The following IMMP2L variants were observed in gnomAD, a reference collection of about 807,000 sequenced individuals.
The protein encoded by IMMP2L is inner mitochondrial membrane peptidase subunit 2.
A neutral mutation model predicts 19.3 loss-of-function variants in IMMP2L; 18 were observed. That is an observed-to-expected ratio of 0.93 (90% CI 0.64 to 1.38). IMMP2L has a LOEUF of 1.38. Among genes scored for constraint, IMMP2L ranks in the 40% most tolerant of loss-of-function variants. The probability of loss-of-function intolerance (pLI) is 0.00; values close to 1 mark genes in which losing one functional copy is unlikely to be tolerated. For synonymous variants in IMMP2L, 76 were observed against 73.0 expected, an observed-to-expected ratio of 1.04 and a Z score of -0.21; for missense variants, 233 against 218.2, an observed-to-expected ratio of 1.07 and a Z score of -0.43.
intron 4 of IMMP2L, among the ~76,000 whole-genome samples, chr7:110,929,988 A>C (rs558424704): frequency 6.6e-6 from 1 of 152,288 alleles, no homozygotes; most frequent in African/African-American, 2.4e-5. Flanking sequence ...CAAATTTATC[A>C]GAGTTTGGGA....
chr7:111,554,619 A>T (rs1458537882), intron 1 of IMMP2L, among the ~76,000 whole-genome samples: 1 of 150,802 alleles, frequency 6.6e-6, no homozygotes, highest in Non-Finnish European at 1.5e-5. Flanking sequence ...TTTTTATTTT[A>T]TTATTATTAT....
intron 3 of IMMP2L, among the ~76,000 whole-genome samples, chr7:111,371,253 T>C (rs773459982): frequency 3.3e-5 from 5 of 151,972 alleles, no homozygotes; most frequent in Non-Finnish European, 5.9e-5. Context: ...CATTCTCTCG[T>C]GGTGATGTCT....
chr7:110,835,522 G>C (rs1563010876), intron 5 of IMMP2L, among the ~76,000 whole-genome samples: 6 of 151,920 alleles, frequency 3.9e-5, no homozygotes. Context: ...ATAAACCAGA[G>C]AAAACAACCA....
At position 111,253,767 on chromosome 7, in the gene IMMP2L, A is replaced by G. The variant is rs1816399478; in HGVS notation, c.239+233471T>C. On this transcript the variant is annotated intron_variant, in intron 3 of 5. Coordinates refer to ENST00000405709, the MANE Select transcript of IMMP2L (RefSeq NM_032549.4). Reference sequence around the variant, plus strand: ...GCCACATAGAACTTGATCTAAAGTCAGAGAATTATTTAGGCCAAAGTCAAA... The same window carrying G: ...GCCACATAGAACTTGATCTAAAGTCGGAGAATTATTTAGGCCAAAGTCAAA... Among the ~76,000 whole-genome samples, 7 of 152,184 alleles carry G rather than the reference A, an allele frequency of 4.6e-5. No individual in the cohort carries two copies. In the South Asian group the frequency reaches 1.2e-3, roughly 27 times the overall value.
intron 5 of IMMP2L, among the ~76,000 whole-genome samples, chr7:110,813,145 T>C (rs1802166437): frequency 6.6e-6 from 1 of 152,078 alleles, no homozygotes; most frequent in Non-Finnish European, 1.5e-5. Flanking sequence ...AATCAAAGGA[T>C]ATAGAATGGA....
chr7:111,315,554 C>T (rs1823971284), intron 3 of IMMP2L, among the ~76,000 whole-genome samples: 1 of 152,056 alleles, frequency 6.6e-6, no homozygotes, highest in South Asian at 2.1e-4. Context: ...ATTATCTGTG[C>T]ACACAATGCA....
chr7:110,787,645 G>A (rs1266703404), intron 5 of IMMP2L, among the ~76,000 whole-genome samples: 2 of 151,802 alleles, frequency 1.3e-5, no homozygotes, highest in African/African-American at 2.4e-5. Flanking sequence ...TAATTTTGAG[G>A]GATGCTAAGC....
intron 3 of IMMP2L, among the ~76,000 whole-genome samples, chr7:111,011,996 G>T (rs1825010842): frequency 6.6e-6 from 1 of 152,066 alleles, no homozygotes; most frequent in African/African-American, 2.4e-5. Context: ...CTACTCATGT[G>T]TGGAAGGCAA....
At chr7:110,801,933 A>C (rs1381206650) in intron 5 of IMMP2L, among the ~76,000 whole-genome samples, 1 of 152,102 alleles carries the variant, frequency 6.6e-6, no homozygotes, top group African/African-American at 2.4e-5. Context: ...GCAAACTCAC[A>C]GTTTTAGGAT....
At chr7:111,499,813 A>C (rs561456722) in intron 2 of IMMP2L, among the ~76,000 whole-genome samples, 1 of 152,254 alleles carries the variant, frequency 6.6e-6, no homozygotes, top group Non-Finnish European at 1.5e-5. Flanking sequence ...TTTTTTAAAA[A>C]GGAGGCCCGG....
chr7:111,380,879 A>C lies in IMMP2L; in HGVS notation c.239+106359T>G, dbSNP rs185541591. On this transcript the variant is annotated intron_variant, in intron 3 of 5. Transcript: ENST00000405709. ...ACAATTTAACCTCAGTATTCTCCACAAAAAAGTAACAGAATCTGTTTCTCT... is the reference window on the plus strand; with the variant it reads ...ACAATTTAACCTCAGTATTCTCCACCAAAAAGTAACAGAATCTGTTTCTCT... 1.3e-3 allele frequency among the ~76,000 whole-genome samples: 201 copies of C among 151,350 alleles called. 3 individuals carry two copies. The highest frequency in any genetic ancestry group is 2.6e-4 in the Non-Finnish European group (18 of 67,968).
intron 4 of IMMP2L, among the ~76,000 whole-genome samples, chr7:110,912,016 G>C (rs1229638848): frequency 6.6e-6 from 1 of 151,950 alleles, no homozygotes; most frequent in Non-Finnish European, 1.5e-5. Context: ...TATTGATCAG[G>C]CAACTACATT....
chr7:111,370,563 G>A (rs1321300661), intron 3 of IMMP2L, among the ~76,000 whole-genome samples: 1 of 151,878 alleles, frequency 6.6e-6, no homozygotes, highest in East Asian at 1.9e-4. Context: ...GTTAAAAATA[G>A]TTAACACTTG....
At chr7:111,229,738 T>G (rs1345370773) in intron 3 of IMMP2L, among the ~76,000 whole-genome samples, 1 of 152,100 alleles carries the variant, frequency 6.6e-6, no homozygotes, top group Non-Finnish European at 1.5e-5. Flanking sequence ...ATATCATTAG[T>G]ACACACCACA....
At chr7:111,508,089 T>C (rs1935553778) in intron 2 of IMMP2L, among the ~76,000 whole-genome samples, 1 of 152,182 alleles carries the variant, frequency 6.6e-6, no homozygotes, top group African/African-American at 2.4e-5. Flanking sequence ...ACTAAATGAA[T>C]GGGCCATCCA....
At chr7:111,217,550 T>C (rs1311701760) in intron 3 of IMMP2L, among the ~76,000 whole-genome samples, 1 of 152,098 alleles carries the variant, frequency 6.6e-6, no homozygotes, top group Non-Finnish European at 1.5e-5. Flanking sequence ...GGATATACTG[T>C]AAGCAAAGGA....
chr7:111,184,824 T>A (rs1808091257), intron 3 of IMMP2L, among the ~76,000 whole-genome samples: 1 of 151,908 alleles, frequency 6.6e-6, no homozygotes, highest in Non-Finnish European at 1.5e-5. Context: ...AATTTAGGAG[T>A]ATTCAATGCA....
intron 4 of IMMP2L, among the ~76,000 whole-genome samples, chr7:110,962,048 T>C (rs189689305): frequency 1.3e-5 from 2 of 152,098 alleles, no homozygotes; most frequent in East Asian, 3.9e-4. Flanking sequence ...CTGTATATTT[T>C]AAATGGGTGA....
intron 3 of IMMP2L, among the ~76,000 whole-genome samples, chr7:111,132,498 TACTGAC>T (rs1480777340): frequency 6.6e-6 from 1 of 151,988 alleles, no homozygotes; most frequent in Admixed American, 6.6e-5. Context: ...TCCTTGTGAG[TACTGAC>T]ACTATAGGCA....
Sources: allele counts gnomAD v4.1 joint callset (sites outside exome capture counted in the v4.1 genomes callset), GRCh38; gene constraint gnomAD v4.1.1; transcripts MANE v1.5; gene names NCBI Gene and HGNC (gene_info 2026-07-23, HGNC 2026-07-21).